Variants in CTPS2 observed in about 807,000 individuals in gnomAD.
CTPS2 encodes the protein CTP synthase 2.
Under a neutral mutation model 46.8 loss-of-function variants are expected in CTPS2, and 19 were observed. That is an observed-to-expected ratio of 0.41 (90% CI 0.28 to 0.60). The LOEUF is 0.60. Among genes scored for constraint, CTPS2 ranks in the 20% least tolerant of loss-of-function variants. CTPS2 has a pLI of 0.35. For missense variants in CTPS2, 286 were observed against 447.6 expected (o/e 0.64, Z 3.26); for synonymous variants, 151 against 165.2 (o/e 0.91, Z 0.66).
chrX:16,696,477 G>T (rs1244336840), intron 4 of CTPS2, among the ~76,000 whole-genome samples: 1 of 111,923 alleles, frequency 8.9e-6, no homozygotes, highest in Non-Finnish European at 1.9e-5. Flanking sequence ...TATCATCAGG[G>T]CTAGTACATA....
At chrX:16,601,386 T>C (rs1929648996) in intron 17 of CTPS2, among the ~76,000 whole-genome samples, 1 of 111,003 alleles carries the variant, frequency 9.0e-6, no homozygotes, top group African/African-American at 3.3e-5. Context: ...CCGATTCACC[T>C]TGTTCACCTA....
intron 13 of CTPS2, among the ~76,000 whole-genome samples, chrX:16,644,093 G>T (rs1266224729): frequency 9.0e-6 from 1 of 110,771 alleles, no homozygotes; most frequent in Non-Finnish European, 1.9e-5. Context: ...TGAAACCTAT[G>T]AATCTGTGGC....
chrX:16,699,044 T>C lies in CTPS2; in HGVS notation c.216A>G (p.Gly72=), dbSNP rs1426987699. ...TAATATCCAAAAATCTTTCATAATTTCCAAGGTCTAAATCAACTTCTCCAC... is the reference window on the plus strand; with the variant it reads ...TAATATCCAAAAATCTTTCATAATTCCCAAGGTCTAAATCAACTTCTCCAC... ...NDGGEVDLDL[G]NYERFLDINL... The change falls in exon 3 of 19, where the codon GGA becomes GGG. Residue 72 remains glycine, a synonymous_variant. Coordinates refer to ENST00000359276, the MANE Select transcript of CTPS2 (RefSeq NM_175859.3). 5.9e-6 allele frequency: 7 copies of C among 1,187,278 alleles called. No homozygotes were observed. In the South Asian group the frequency reaches 1.3e-4, roughly 23 times the overall value.
At chrX:16,705,377 C>T (rs888507784) in intron 1 of CTPS2, among the ~76,000 whole-genome samples, 1 of 111,923 alleles carries the variant, frequency 8.9e-6, no homozygotes, top group African/African-American at 3.2e-5. Flanking sequence ...CTGATAAGAC[C>T]ACCAACCATG....
chrX:16,678,009 A>G (rs1032749754), intron 10 of CTPS2, among the ~76,000 whole-genome samples: 3 of 111,763 alleles, frequency 2.7e-5, no homozygotes, highest in South Asian at 7.5e-4. Flanking sequence ...AAGAGAGAGA[A>G]AAAAAAAGCT....
At chrX:16,692,397 G>A (rs752734141) in intron 6 of CTPS2, among the ~76,000 whole-genome samples, 3 of 110,794 alleles carry the variant, frequency 2.7e-5, no homozygotes, top group Non-Finnish European at 5.7e-5. Context: ...AGCCCAGGAG[G>A]CAGAGGTTGC....
At chrX:16,640,124 G>T (rs190083492) in intron 13 of CTPS2, among the ~76,000 whole-genome samples, 1 of 111,359 alleles carries the variant, frequency 9.0e-6, no homozygotes, top group African/African-American at 3.3e-5. Context: ...TCTTAGTGCG[G>T]CATTTTTCCT....
chrX:16,676,369 G>GGT (rs1416587285), intron 10 of CTPS2, among the ~76,000 whole-genome samples: 1 of 111,464 alleles, frequency 9.0e-6, no homozygotes, highest in Non-Finnish European at 1.9e-5. Context: ...GTTATCTTGG[G>GGT]ACCTCAAAAA....
chrX:16,603,722 T>TTC (rs1555954446), intron 17 of CTPS2, among the ~76,000 whole-genome samples: 4 of 110,730 alleles, frequency 3.6e-5, no homozygotes, highest in African/African-American at 1.3e-4. Flanking sequence ...TGCTTTTTTT[T>TTC]TCTCTCTCTC....
chrX:16,693,452 C>G lies in CTPS2; in HGVS notation c.474G>C (p.Pro158=), dbSNP rs138001237. 6.6e-6 allele frequency: 8 copies of G among 1,207,131 alleles called. No homozygotes were observed. Among genetic ancestry groups the G allele is most frequent in the Non-Finnish European group, 7.8e-6 (7 of 893,080 alleles). ...GGAATTGTCTAAACGCCTCCACAAA[C>G]GGCATTCCTTCGATGTCTCCAATGG... ...GGTIGDIEGM[P]FVEAFRQFQF... is the part of the protein sequence containing the mutation. Residue 158 remains proline (P), a synonymous_variant, in exon 5 of 19, where the codon CCG becomes CCC. Transcript: ENST00000359276.
intron 17 of CTPS2, among the ~76,000 whole-genome samples, chrX:16,591,939 A>G (rs752514438): frequency 3.6e-5 from 4 of 111,024 alleles, no homozygotes; most frequent in Non-Finnish European, 5.7e-5. Context: ...GCTCTATTAT[A>G]ACTCTCCATG....
intron 8 of CTPS2, among the ~76,000 whole-genome samples, chrX:16,687,474 C>CAAAAAAAAAA (rs35798035): frequency 1.4e-4 from 6 of 44,268 alleles, no homozygotes; most frequent in Admixed American, 3.4e-4. Flanking sequence ...CACCCTGTGT[C>CAAAAAAAAAA]AAAAAAAAAA....
chrX:16,674,372 A>G (rs1396770434), intron 10 of CTPS2, among the ~76,000 whole-genome samples: 1 of 109,639 alleles, frequency 9.1e-6, no homozygotes, highest in African/African-American at 3.3e-5. Flanking sequence ...CATGTTAGTC[A>G]GGCTGGTCTA....
At chrX:16,700,766 T>G (rs2147377868) in intron 2 of CTPS2, among the ~76,000 whole-genome samples, 1 of 111,258 alleles carries the variant, frequency 9.0e-6, no homozygotes, top group East Asian at 2.8e-4. Context: ...GGACCCAGAC[T>G]GAACGAGAAA....
intron 7 of CTPS2, among the ~76,000 whole-genome samples, chrX:16,690,095 G>C (rs768381653): frequency 3.3e-4 from 36 of 109,078 alleles, no homozygotes; most frequent in African/African-American, 1.2e-3. Context: ...GACAGGTCAG[G>C]TGTGGTGGCT....
Position 16,661,993 on chromosome X carries a change from C to CATAT in CTPS2, c.1296+5517_1296+5520dup, listed in dbSNP as rs5901592. 9.8e-4 allele frequency among the ~76,000 whole-genome samples: 84 copies of CATAT among 85,343 alleles called. 1 individual carries two copies. The highest frequency in any genetic ancestry group is 2.3e-3 in the African/African-American group (57 of 24,611). The allele number at this position is 85,343 out of a possible 115,157, so 74.1% of individuals were successfully genotyped here. On this transcript the variant is annotated intron_variant, in intron 13 of 18. Transcript: ENST00000359276. Reference sequence around the variant, plus strand: ...ACACATTAGATTGAGATTGTTCATTCATATATATATATATATATATGCCTC... The same window carrying CATAT: ...ACACATTAGATTGAGATTGTTCATTCATATATATATATATATATATATATGCCTC...
chrX:16,662,306 A>G (rs1932981166), intron 13 of CTPS2, among the ~76,000 whole-genome samples: 1 of 111,565 alleles, frequency 9.0e-6, no homozygotes. Context: ...TAAGCAGAGA[A>G]ATGACACAAT....
chrX:16,636,475 G>A (rs1270630325), intron 14 of CTPS2, among the ~76,000 whole-genome samples: 1 of 112,377 alleles, frequency 8.9e-6, no homozygotes, highest in Non-Finnish European at 1.9e-5. Context: ...GTCCATAATG[G>A]GCAAACCTAT....
intron 17 of CTPS2, among the ~76,000 whole-genome samples, chrX:16,607,436 G>A (rs980278073): frequency 3.5e-5 from 4 of 112,692 alleles, no homozygotes; most frequent in African/African-American, 1.3e-4. Context: ...CTCAGCTGAA[G>A]CAGGAAGGAG....
Sources: allele counts gnomAD v4.1 joint callset (sites outside exome capture counted in the v4.1 genomes callset), GRCh38; gene constraint gnomAD v4.1.1; transcripts MANE v1.5; gene names NCBI Gene and HGNC (gene_info 2026-07-23, HGNC 2026-07-21).